The following PPM1H variants were observed in gnomAD, a reference collection of about 807,000 sequenced individuals.
The protein encoded by PPM1H is protein phosphatase 1H.
PPM1H carries 27 observed loss-of-function variants against 54.9 expected under a neutral mutation model. The observed-to-expected ratio is 0.49, with a 90% confidence interval of 0.36 to 0.68. PPM1H has a LOEUF of 0.68. PPM1H is among the 30% of genes least tolerant of loss of function. PPM1H has a pLI of 0.00. For missense variants in PPM1H, 596 were observed against 667.8 expected (o/e 0.89, Z 1.19); for synonymous variants, 305 against 270.8 (o/e 1.13, Z -1.24).
chr12:62,657,220 T>G (rs1362550127), intron 9 of PPM1H, among the ~76,000 whole-genome samples: 1 of 152,182 alleles, frequency 6.6e-6, no homozygotes, highest in Non-Finnish European at 1.5e-5. Context: ...CCAGGCCTCA[T>G]CCACCTCTAT....
In PPM1H at chr12:62,917,803, G is replaced by C. The variant is rs570396776; in HGVS notation, c.245+16689C>G. ...CTCATTCTTCATGCTGTAAAGGGTG[G>C]GGAGAGCAGGATACTGTCCTCTAAG... On this transcript the variant is annotated intron_variant, in intron 1 of 9. Coordinates refer to ENST00000228705, the MANE Select transcript of PPM1H (RefSeq NM_020700.2). Among the ~76,000 whole-genome samples the C allele has an allele frequency of 3.3e-5, 5 of 152,098 alleles. No individual in the cohort carries two copies. In the South Asian group the frequency reaches 1.0e-3, roughly 32 times the overall value.
chr12:62,698,516 C>A (rs1274731256), intron 6 of PPM1H, among the ~76,000 whole-genome samples: 2 of 152,124 alleles, frequency 1.3e-5, no homozygotes, highest in Non-Finnish European at 2.9e-5. Flanking sequence ...ATGCATCCAA[C>A]AAACAGTAAC....
intron 1 of PPM1H, among the ~76,000 whole-genome samples, chr12:62,910,368 T>C (rs1478784486): frequency 6.6e-6 from 1 of 152,200 alleles, no homozygotes; most frequent in African/African-American, 2.4e-5. Context: ...AAAGTTTGAA[T>C]AACCTAAAGA....
chr12:62,903,896 G>A (rs1871233411), intron 1 of PPM1H, among the ~76,000 whole-genome samples: 1 of 152,162 alleles, frequency 6.6e-6, no homozygotes, highest in African/African-American at 2.4e-5. Flanking sequence ...GGTGTACACT[G>A]ATGTTCATAT....
intron 1 of PPM1H, among the ~76,000 whole-genome samples, chr12:62,893,150 A>G (rs983470495): frequency 3.3e-5 from 5 of 151,982 alleles, no homozygotes; most frequent in African/African-American, 7.2e-5. Context: ...ATAAGAAAAT[A>G]TGTGACAGAG....
chr12:62,759,356 C>T (rs185328406), intron 4 of PPM1H, among the ~76,000 whole-genome samples: 24 of 152,308 alleles, frequency 1.6e-4, no homozygotes, highest in Non-Finnish European at 2.5e-4. Context: ...ATCGGGTAAG[C>T]GGTCTATTTT....
rs376505903 is a variant in PPM1H at position 62,667,228 on chromosome 12, T to G, written c.1347A>C (p.Ala449=). 3.2e-5 allele frequency: 51 copies of G among 1,600,330 alleles called. No homozygotes were observed. In the Middle Eastern group the frequency reaches 5.0e-4, roughly 16 times the overall value. Residue 449 remains alanine, a synonymous_variant, in exon 9 of 10, where the codon GCA becomes GCC. Transcript: ENST00000228705. ...LWDVLSNEEV[A]EAITQFLPNC... is the part of the protein sequence containing the mutation. ...TAGGAAGAAACTGAGTGATTGCTTCTGCTACTTCTTCATTTGATAAAACGT... is the reference window on the plus strand; with the variant it reads ...TAGGAAGAAACTGAGTGATTGCTTCGGCTACTTCTTCATTTGATAAAACGT...
chr12:62,786,121 C>T (rs183995657), intron 4 of PPM1H, among the ~76,000 whole-genome samples: 68 of 152,304 alleles, frequency 4.5e-4, no homozygotes, highest in African/African-American at 1.5e-3. Context: ...AAAAGGTGAA[C>T]GTGAGTGCAA....
At chr12:62,756,038 G>C in intron 4 of PPM1H, 1 of 1,374,986 alleles carries the variant, frequency 7.3e-7, no homozygotes, top group South Asian at 1.2e-5. Flanking sequence ...ACCCCCTCAA[G>C]GGCATCCTGG....
intron 2 of PPM1H, among the ~76,000 whole-genome samples, chr12:62,817,628 T>C (rs2076879035): frequency 6.6e-6 from 1 of 152,230 alleles, no homozygotes; most frequent in Admixed American, 6.5e-5. Context: ...GGGAGCCAAC[T>C]GCCTGATGAG....
At chr12:62,735,109 G>T (rs1229784800) in intron 5 of PPM1H, among the ~76,000 whole-genome samples, 1 of 152,160 alleles carries the variant, frequency 6.6e-6, no homozygotes, top group East Asian at 1.9e-4. Flanking sequence ...GAAGGCAAAG[G>T]CTTCATACCC....
At chr12:62,702,721 A>G (rs2076151371) in intron 6 of PPM1H, among the ~76,000 whole-genome samples, 1 of 152,198 alleles carries the variant, frequency 6.6e-6, no homozygotes, top group Non-Finnish European at 1.5e-5. Context: ...CATAATCTCA[A>G]CAATTCACTT....
At position 62,785,441 on chromosome 12, in the gene PPM1H, T is replaced by G. The variant is rs535231468; in HGVS notation, c.869+2785A>C. ...ATCCGCCCGCCTTGGCCTCCCAAAG[T>G]GCTGGGATTATAGGCGTGAACCACC... On this transcript the variant is annotated intron_variant, in intron 4 of 9. Coordinates refer to ENST00000228705, the MANE Select transcript of PPM1H (RefSeq NM_020700.2). 3.3e-5 allele frequency among the ~76,000 whole-genome samples: 5 copies of G among 152,362 alleles called. No homozygotes were observed. In the East Asian group the frequency reaches 9.6e-4, roughly 29 times the overall value.
chr12:62,703,752 C>T (rs1056368608), intron 6 of PPM1H, among the ~76,000 whole-genome samples: 1 of 152,148 alleles, frequency 6.6e-6, no homozygotes, highest in African/African-American at 2.4e-5. Flanking sequence ...TGACTCCCCT[C>T]TCCCCACACC....
chr12:62,837,589 A>C (rs114145001), intron 1 of PPM1H, among the ~76,000 whole-genome samples: 172 of 152,324 alleles, frequency 1.1e-3, no homozygotes, highest in African/African-American at 3.9e-3. Flanking sequence ...GGTCTCTGTT[A>C]ATTACTATCT....
At chr12:62,931,435 T>C (rs1872128333) in intron 1 of PPM1H, among the ~76,000 whole-genome samples, 1 of 152,218 alleles carries the variant, frequency 6.6e-6, no homozygotes, top group African/African-American at 2.4e-5. Context: ...TTCTCTTTCC[T>C]TCCCTATTTC....
At chr12:62,680,966 C>T (rs950377212) in intron 8 of PPM1H, among the ~76,000 whole-genome samples, 4 of 152,114 alleles carry the variant, frequency 2.6e-5, no homozygotes, top group African/African-American at 9.7e-5. Flanking sequence ...TCCCTCTGCT[C>T]CTGTCTTCCA....
At chr12:62,797,095 C>T (rs1320524379) in intron 3 of PPM1H, among the ~76,000 whole-genome samples, 1 of 152,032 alleles carries the variant, frequency 6.6e-6, no homozygotes, top group Non-Finnish European at 1.5e-5. Context: ...CATTGAGGGA[C>T]AAGACAAACA....
rs1592678059 is a variant in PPM1H, at chr12:62,934,827, C to T, written c.-91G>A. The T allele has an allele frequency of 9.0e-6, 11 of 1,224,652 alleles. No homozygotes were observed. The highest frequency in any genetic ancestry group is 1.1e-5 in the Non-Finnish European group (11 of 971,376). 75.9% of individuals were successfully genotyped at this position (1,224,652 alleles called of 1,614,324 possible). On this transcript the variant is annotated 5_prime_UTR_variant, in exon 1 of 10. Transcript: ENST00000228705. The surrounding 1 kb of genome is among the most constrained non-coding windows in gnomAD (Gnocchi z 4.2). ...CGGGGCATGCAGGCTGCGGTGGGCG[C>T]CGGGCGCACGGCGAGTCGGGCCACT...
Sources: gnomAD v4.1 joint callset for allele counts (sites outside exome capture counted in the v4.1 genomes callset) on GRCh38, gnomAD v4.1.1 for gene constraint, Gnocchi (gnomAD v3.1) non-coding constraint, MANE v1.5 for transcripts, NCBI Gene and HGNC (gene_info 2026-07-23, HGNC 2026-07-21) for gene names.